Variants in CCDC144A observed in about 807,000 individuals in gnomAD.
The protein encoded by CCDC144A is coiled-coil domain-containing protein 144A.
A neutral mutation model predicts 143.8 loss-of-function variants in CCDC144A; 41 were observed. That is an observed-to-expected ratio of 0.29 (90% CI 0.22 to 0.37). The LOEUF (loss-of-function observed/expected upper bound fraction) is 0.37. Ranked by LOEUF, CCDC144A falls within the 10% of genes least tolerant of loss-of-function variation. The pLI is 1.00. For synonymous variants in CCDC144A, 242 were observed against 517.9 expected, an observed-to-expected ratio of 0.47 and a Z score of 7.23; for missense variants, 637 against 1,488.8, an observed-to-expected ratio of 0.43 and a Z score of 9.41.
intron 12 of CCDC144A, among the ~76,000 whole-genome samples, chr17:16,744,803 T>G (rs1914418622): frequency 6.6e-6 from 1 of 152,126 alleles, no homozygotes. Context: ...ACATTCACAT[T>G]TAGCAATTTC....
At chr17:16,667,121 T>C in the CCDC144A span, 1 of 154,546 alleles carries the variant, frequency 6.5e-6, no homozygotes, top group African/African-American at 2.4e-5. Context: ...CAGGAGCCAG[T>C]GGCGGGAGCC....
intron 12 of CCDC144A, among the ~76,000 whole-genome samples, chr17:16,751,386 G>A (rs140136834): frequency 5.3e-5 from 8 of 151,902 alleles, no homozygotes; most frequent in Admixed American, 1.3e-4. Flanking sequence ...TTGTTTGGTG[G>A]TGTAATTCAG....
intron 8 of CCDC144A, 59 bp downstream of exon 8, chr17:16,720,717 C>T: frequency 3.2e-6 from 5 of 1,569,970 alleles, no homozygotes; most frequent in Middle Eastern, 1.7e-4. Context: ...TGTGTGTATA[C>T]ATTGCTGAGA....
chr17:16,702,472 G>C (rs1911788260), intron 2 of CCDC144A, among the ~76,000 whole-genome samples: 1 of 152,192 alleles, frequency 6.6e-6, no homozygotes, highest in South Asian at 2.1e-4. Flanking sequence ...GATCTCCCTT[G>C]AGCTCTTCTC....
chr17:16,705,361 G>A lies in CCDC144A; in HGVS notation c.626G>A (p.Cys209Tyr). The A allele has an allele frequency of 1.4e-6, 1 of 715,500 alleles. No homozygotes were observed. The highest frequency in any genetic ancestry group is 2.4e-6 in the Non-Finnish European group (1 of 410,042). 44.3% of individuals were successfully genotyped at this position (715,500 alleles called of 1,614,324 possible). A position where few individuals can be genotyped will look rare whatever the true frequency, so the allele number is the denominator to read the frequency against. The change falls in exon 3 of 17, where the codon TGC becomes TAC. Residue 209 changes from cysteine (C) to tyrosine (Y), a missense_variant. By Grantham distance (194) the Cys-to-Tyr change is radical (BLOSUM62 -2). Coordinates refer to ENST00000399273, the MANE Select transcript of CCDC144A (RefSeq NM_001382000.1). ...GGGAATGATACTCTCCATGACCTGT[G>A]CCAATCACAGCTACCAGAAAACAAA... The part of the protein sequence containing the change: ...LSGNDTLHDL[C>Y]QSQLPENKES...
At position 16,709,376 on chromosome 17, in the gene CCDC144A, T is replaced by A; in HGVS notation, c.1319T>A (p.Met440Lys). Residue 440 changes from methionine to lysine, a missense_variant, in exon 5 of 17, where the codon ATG becomes AAG. Met to Lys is a moderately conservative substitution (Grantham distance 95). Transcript: ENST00000399273. The stretch of plus-strand genomic sequence containing the variant: ...AACCCAGAAGTGGTTATGGTTGAAA[T>A]GAAAGAAGACCAAGAGTTTGATTTG... ...ARNPEVVMVE[M>K]KEDQEFDLQM... 2 of 1,611,614 alleles carry A rather than the reference T, an allele frequency of 1.2e-6. No individual in the cohort carries two copies. The highest frequency in any genetic ancestry group is 1.7e-6 in the Non-Finnish European group (2 of 1,179,626).
chr17:16,744,858 TTTAAG>T (rs1326127917), intron 12 of CCDC144A, among the ~76,000 whole-genome samples: 2 of 152,178 alleles, frequency 1.3e-5, no homozygotes, highest in African/African-American at 2.4e-5. Context: ...AGAAAGCTAT[TTTAAG>T]TTATTTACAA....
chr17:16,730,272 G>A (rs868431179), intron 9 of CCDC144A, among the ~76,000 whole-genome samples: 3 of 110,728 alleles, frequency 2.7e-5, no homozygotes, highest in South Asian at 3.5e-4. Flanking sequence ...GTCTTTGTAC[G>A]CTTTGTGAAA....
At chr17:16,757,038 G>A (rs1294619592) in intron 12 of CCDC144A, among the ~76,000 whole-genome samples, 1 of 152,248 alleles carries the variant, frequency 6.6e-6, no homozygotes, top group Non-Finnish European at 1.5e-5. Flanking sequence ...TGTGTGATTG[G>A]CAGCACCAGG....
chr17:16,720,735 T>C (rs879191911), intron 8 of CCDC144A, 77 bp downstream of exon 8: 4 of 1,580,540 alleles, frequency 2.5e-6, no homozygotes, highest in South Asian at 2.3e-5. Flanking sequence ...AGAACTGACG[T>C]GTGATAGTGA....
intron 15 of CCDC144A, among the ~76,000 whole-genome samples, chr17:16,770,066 T>C (rs1915764874): frequency 6.6e-6 from 1 of 151,826 alleles, no homozygotes; most frequent in Non-Finnish European, 1.5e-5. Context: ...AACCTTGTGA[T>C]CCACCCAATT....
At chr17:16,770,868 C>T (rs7213577) in intron 15 of CCDC144A, among the ~76,000 whole-genome samples, 22,297 of 147,246 alleles carry the variant, frequency 0.15, 1,912 homozygotes, top group African/African-American at 0.33. Context: ...TGAATTATTA[C>T]TTTTATAAGG....
intron 11 of CCDC144A, 51 bp from the exon 12 acceptor site, chr17:16,734,639 C>A: frequency 2.1e-6 from 3 of 1,435,630 alleles, no homozygotes; most frequent in Non-Finnish European, 2.8e-6. Flanking sequence ...CAGAGAAAAT[C>A]ATAATCTGTC....
In CCDC144A at chr17:16,720,376, C is replaced by G. The variant is rs1177029297; in HGVS notation, c.1750-141C>G. The G allele has an allele frequency of 3.2e-6, 3 of 933,118 alleles. No homozygotes were observed. In the East Asian group the frequency reaches 7.9e-5, roughly 24 times the overall value. The allele number at this position is 933,118 out of a possible 1,614,324, so 57.8% of individuals were successfully genotyped here. The stretch of plus-strand genomic sequence containing the variant: ...AAACAGTAACCGTTGATAATGGTAC[C>G]TTTTAAGAACAATCTGTTGCTTTAA... On this transcript the variant is annotated intron_variant, in intron 7 of 16. Transcript: ENST00000399273.
At chr17:16,684,048 A>G in the CCDC144A span, 1 of 905,246 alleles carries the variant, frequency 1.1e-6, no homozygotes, top group East Asian at 2.4e-5. Context: ...GAACAAGCAC[A>G]GACTCAGAAA....
intron 2 of CCDC144A, among the ~76,000 whole-genome samples, chr17:16,696,108 G>A (rs1197765421): frequency 6.6e-6 from 1 of 152,100 alleles, no homozygotes; most frequent in Non-Finnish European, 1.5e-5. Context: ...TCCGCCTCCC[G>A]AGTTCAAGTG....
At chr17:16,745,055 T>A (rs1437329374) in intron 12 of CCDC144A, among the ~76,000 whole-genome samples, 1 of 151,894 alleles carries the variant, frequency 6.6e-6, no homozygotes, top group African/African-American at 2.4e-5. Flanking sequence ...GCAAAACTGT[T>A]GAAAGGGCAA....
chr17:16,761,211 A>G (rs3114285), intron 12 of CCDC144A, among the ~76,000 whole-genome samples: 403 of 152,162 alleles, frequency 2.6e-3, no homozygotes, highest in African/African-American at 9.4e-3. Context: ...GGTGGTGGGC[A>G]CCTGTAGTCC....
chr17:16,727,892 TAA>T (rs1913508813), intron 9 of CCDC144A, 152 bp downstream of exon 9: 1 of 347,892 alleles, frequency 2.9e-6, no homozygotes, highest in South Asian at 2.5e-5. Flanking sequence ...AACAAATTAT[TAA>T]CTGTGAACTC....
Sources: gnomAD v4.1 joint callset for allele counts (sites outside exome capture counted in the v4.1 genomes callset) on GRCh38, gnomAD v4.1.1 for gene constraint, MANE v1.5 for transcripts, NCBI Gene and HGNC (gene_info 2026-07-23, HGNC 2026-07-21) for gene names.